The following ADAMTS19 variants were observed in gnomAD, a reference collection of about 807,000 sequenced individuals.
The protein encoded by ADAMTS19 is ADAM metallopeptidase with thrombospondin type 1 motif 19.
In ADAMTS19, 93 loss-of-function variants were observed where a neutral mutation model predicts 153.3. The ratio of observed to expected loss-of-function variants is 0.61; its 90% CI spans 0.51 to 0.72. ADAMTS19 has a LOEUF of 0.72. Among genes scored for constraint, ADAMTS19 ranks in the 30% least tolerant of loss-of-function variants. The pLI, the probability that ADAMTS19 is intolerant of heterozygous loss-of-function variation, is 0.00. For synonymous variants in ADAMTS19, 600 were observed against 556.6 expected, an observed-to-expected ratio of 1.08 and a Z score of -1.10; for missense variants, 1,482 against 1,552.1, an observed-to-expected ratio of 0.95 and a Z score of 0.76.
At chr5:129,559,230 T>C (rs1418073374) in intron 7 of ADAMTS19, among the ~76,000 whole-genome samples, 1 of 152,098 alleles carries the variant, frequency 6.6e-6, no homozygotes, top group Non-Finnish European at 1.5e-5. Flanking sequence ...TGTATATTAA[T>C]AGTATTTCCA....
intron 3 of ADAMTS19, among the ~76,000 whole-genome samples, chr5:129,511,388 C>T (rs909881214): frequency 6.6e-6 from 1 of 151,758 alleles, no homozygotes; most frequent in Non-Finnish European, 1.5e-5. Flanking sequence ...TCAGAGGCCT[C>T]AGGTTCAAGG....
chr5:129,594,573 T>A (rs1226991942), intron 7 of ADAMTS19, among the ~76,000 whole-genome samples: 1 of 152,128 alleles, frequency 6.6e-6, no homozygotes, highest in African/African-American at 2.4e-5. Flanking sequence ...TCTTTTATCC[T>A]CCTTCTTTCT....
At chr5:129,664,579 TAACTC>T (rs543417183) in intron 15 of ADAMTS19, among the ~76,000 whole-genome samples, 119 of 152,184 alleles carry the variant, frequency 7.8e-4, no homozygotes, top group African/African-American at 2.7e-3. Flanking sequence ...ATACGCCAAA[TAACTC>T]AACAGTCTCG....
intron 14 of ADAMTS19, among the ~76,000 whole-genome samples, chr5:129,655,118 G>A (rs1428801164): frequency 6.6e-6 from 1 of 152,152 alleles, no homozygotes; most frequent in Non-Finnish European, 1.5e-5. Context: ...AAAGTTTAAT[G>A]CCAAGTGTTT....
intron 10 of ADAMTS19, among the ~76,000 whole-genome samples, chr5:129,635,758 G>A (rs924755011): frequency 1.4e-3 from 216 of 152,202 alleles, no homozygotes; most frequent in African/African-American, 5.0e-3. Context: ...TGGGAGGAGG[G>A]AAAGGATCAG....
In ADAMTS19 at chr5:129,601,118, G is replaced by A. The variant is rs529115837; in HGVS notation, c.1478+4454G>A. On this transcript the variant is annotated intron_variant, in intron 8 of 22. Coordinates refer to ENST00000274487, the MANE Select transcript of ADAMTS19 (RefSeq NM_133638.6). ...GAACTCCTGACCTCGTGATCCGCCC[G>A]CCTCGGTCTCCCAAAGTGCTTGGGA... 2.0e-4 allele frequency among the ~76,000 whole-genome samples: 30 copies of A among 152,164 alleles called. No homozygotes were observed. The East Asian group carries it at 2.5e-3, about 13-fold the overall frequency.
At chr5:129,496,897 T>C (rs1411807129) in intron 2 of ADAMTS19, among the ~76,000 whole-genome samples, 1 of 152,112 alleles carries the variant, frequency 6.6e-6, no homozygotes, top group Admixed American at 6.6e-5. Flanking sequence ...TAGATTTAAA[T>C]TCTTCTCTTA....
At chr5:129,699,035 A>T (rs1051471595) in intron 19 of ADAMTS19, among the ~76,000 whole-genome samples, 2 of 152,246 alleles carry the variant, frequency 1.3e-5, no homozygotes, top group Non-Finnish European at 2.9e-5. Flanking sequence ...ACTCCTCAAA[A>T]TGTGGATCAT....
At chr5:129,590,314 C>T (rs1234200417) in intron 7 of ADAMTS19, among the ~76,000 whole-genome samples, 1 of 152,068 alleles carries the variant, frequency 6.6e-6, no homozygotes, top group East Asian at 1.9e-4. Context: ...CTTCTTCAAC[C>T]TCAGCTATAC....
chr5:129,548,305 C>T (rs1752935638), intron 6 of ADAMTS19, among the ~76,000 whole-genome samples: 1 of 144,742 alleles, frequency 6.9e-6, no homozygotes, highest in African/African-American at 2.7e-5. Context: ...CCAGAATCTA[C>T]AATGAATTCA....
At chr5:129,460,580 A>G in intron 1 of ADAMTS19, 98 bp downstream of exon 1, 1 of 1,346,214 alleles carries the variant, frequency 7.4e-7, no homozygotes, top group Non-Finnish European at 1.1e-6. Flanking sequence ...GTGCGTGGAG[A>G]GCAGGGCTCA....
At chr5:129,715,390 TAGCTC>T (rs139628273) in intron 21 of ADAMTS19, among the ~76,000 whole-genome samples, 5,760 of 152,242 alleles carry the variant, frequency 0.038, 335 homozygotes, top group African/African-American at 0.13. Context: ...AGAGGTAAGA[TAGCTC>T]AGTATATCTG....
intron 10 of ADAMTS19, among the ~76,000 whole-genome samples, chr5:129,624,272 A>G (rs1751923133): frequency 1.3e-5 from 2 of 152,040 alleles, no homozygotes; most frequent in Admixed American, 6.6e-5. Context: ...CGTGTGTGAC[A>G]ATTATGACAT....
intron 14 of ADAMTS19, among the ~76,000 whole-genome samples, chr5:129,655,016 T>C (rs1160361697): frequency 1.3e-5 from 2 of 152,208 alleles, no homozygotes; most frequent in East Asian, 1.9e-4. Flanking sequence ...ATGAAGAACA[T>C]AGTGGAGAGA....
intron 8 of ADAMTS19, among the ~76,000 whole-genome samples, chr5:129,612,304 G>A (rs371826611): frequency 6.6e-6 from 1 of 151,476 alleles, no homozygotes; most frequent in East Asian, 1.9e-4. Context: ...GGACATGAAC[G>A]CATCATTTTT....
intron 17 of ADAMTS19, among the ~76,000 whole-genome samples, chr5:129,680,156 A>G (rs1039009857): frequency 2.6e-5 from 4 of 152,246 alleles, no homozygotes; most frequent in African/African-American, 9.6e-5. Context: ...TGCAAAGTAC[A>G]GATGGATGAC....
At chr5:129,670,930 C>T (rs893958132) in intron 16 of ADAMTS19, among the ~76,000 whole-genome samples, 1 of 152,082 alleles carries the variant, frequency 6.6e-6, no homozygotes, top group Non-Finnish European at 1.5e-5. Context: ...AGTTAGTTAC[C>T]GTAAATTCTC....
intron 7 of ADAMTS19, among the ~76,000 whole-genome samples, chr5:129,555,903 A>T (rs1269945971): frequency 6.6e-6 from 1 of 152,186 alleles, no homozygotes; most frequent in African/African-American, 2.4e-5. Context: ...CTTAGAAATA[A>T]TTTTATTTAC....
At chr5:129,684,880 G>C (rs1038821231) in intron 18 of ADAMTS19, among the ~76,000 whole-genome samples, 1 of 151,910 alleles carries the variant, frequency 6.6e-6, no homozygotes, top group African/African-American at 2.4e-5. Context: ...CCAGCTAGTC[G>C]AGAGGCTGAG....
Sources: allele counts gnomAD v4.1 joint callset (sites outside exome capture counted in the v4.1 genomes callset), GRCh38; gene constraint gnomAD v4.1.1; transcripts MANE v1.5; gene names NCBI Gene and HGNC (gene_info 2026-07-23, HGNC 2026-07-21).